Variants in CNTNAP2 observed in about 807,000 individuals in gnomAD.
The protein encoded by CNTNAP2 is contactin-associated protein-like 2.
CNTNAP2 carries 98 observed loss-of-function variants against 155.2 expected under a neutral mutation model. The observed-to-expected ratio is 0.63, with a 90% CI of 0.54 to 0.75. The LOEUF (loss-of-function observed/expected upper bound fraction) is 0.75, where lower values mean the gene tolerates loss of function less well. CNTNAP2 is among the 30% of genes least tolerant of loss of function. CNTNAP2 has a pLI of 0.00. For missense variants in CNTNAP2, 1,727 were observed against 1,688.1 expected, an observed-to-expected ratio of 1.02 and a Z score of -0.40; for synonymous variants, 651 against 631.2, an observed-to-expected ratio of 1.03 and a Z score of -0.47.
chr7:148,220,536 A>G (rs1795727724), intron 19 of CNTNAP2, among the ~76,000 whole-genome samples: 1 of 152,188 alleles, frequency 6.6e-6, no homozygotes, highest in African/African-American at 2.4e-5. Flanking sequence ...AATCGTGATT[A>G]ATGATATGGG....
chr7:146,906,987 G>A (rs146343733), intron 3 of CNTNAP2, among the ~76,000 whole-genome samples: 36,656 of 148,158 alleles, frequency 0.25, 5,268 homozygotes, highest in Non-Finnish European at 0.32. Flanking sequence ...ACCAAGGCTC[G>A]AGAACTACGT....
At chr7:148,090,264 T>G (rs749500679) in intron 15 of CNTNAP2, among the ~76,000 whole-genome samples, 9 of 151,842 alleles carry the variant, frequency 5.9e-5, no homozygotes, top group Non-Finnish European at 1.3e-4. Flanking sequence ...TGGAATGACA[T>G]CAAACTAAAA....
intron 5 of CNTNAP2, among the ~76,000 whole-genome samples, chr7:147,116,730 G>A (rs539321543): frequency 1.3e-5 from 2 of 151,746 alleles, no homozygotes; most frequent in South Asian, 2.1e-4. Context: ...CTCCATCCCA[G>A]GGATAGAAAA....
intron 13 of CNTNAP2, among the ~76,000 whole-genome samples, chr7:147,689,870 C>A (rs1295500916): frequency 2.6e-5 from 4 of 152,138 alleles, no homozygotes; most frequent in African/African-American, 9.7e-5. Context: ...CTGGATTTGA[C>A]CCCGATGACT....
chr7:147,134,494 G>A (rs954795995), intron 8 of CNTNAP2, among the ~76,000 whole-genome samples: 1 of 151,180 alleles, frequency 6.6e-6, no homozygotes, highest in Non-Finnish European at 1.5e-5. Context: ...ACTGCTTCAA[G>A]CATTTTATAT....
intron 3 of CNTNAP2, among the ~76,000 whole-genome samples, chr7:146,869,692 C>T (rs1231734152): frequency 6.6e-6 from 1 of 152,092 alleles, no homozygotes; most frequent in African/African-American, 2.4e-5. Context: ...GTCCCAAAAC[C>T]AAAGAACTTG....
At chr7:146,943,245 A>G (rs1243366794) in intron 3 of CNTNAP2, among the ~76,000 whole-genome samples, 2 of 152,240 alleles carry the variant, frequency 1.3e-5, no homozygotes, top group African/African-American at 4.8e-5. Flanking sequence ...CATAAGAAAG[A>G]GAAAATGAGG....
chr7:146,283,084 CT>C (rs886905914), intron 1 of CNTNAP2, among the ~76,000 whole-genome samples: 2 of 152,124 alleles, frequency 1.3e-5, no homozygotes, highest in African/African-American at 4.8e-5. Context: ...TTTACGTAAC[CT>C]TTTAATAGGA....
intron 2 of CNTNAP2, among the ~76,000 whole-genome samples, chr7:146,778,837 T>A (rs1802434818): frequency 1.3e-5 from 2 of 152,192 alleles, no homozygotes; most frequent in African/African-American, 4.8e-5. Context: ...TCAGTCCTTT[T>A]CTTCTGCCAG....
At chr7:148,064,224 G>A (rs990109834) in intron 15 of CNTNAP2, among the ~76,000 whole-genome samples, 3 of 151,958 alleles carry the variant, frequency 2.0e-5, no homozygotes, top group African/African-American at 7.2e-5. Context: ...CTCTTTTTTA[G>A]TTCTGTATGA....
chr7:146,372,854 T>C (rs12703805), intron 1 of CNTNAP2, among the ~76,000 whole-genome samples: 30 of 152,156 alleles, frequency 2.0e-4, no homozygotes, highest in Non-Finnish European at 3.8e-4. Flanking sequence ...AGAAAAACTC[T>C]TTTCCCTCAT....
intron 15 of CNTNAP2, among the ~76,000 whole-genome samples, chr7:147,980,948 A>C (rs974121296): frequency 6.6e-6 from 1 of 151,196 alleles, no homozygotes; most frequent in African/African-American, 2.4e-5. Context: ...AAAAAAAAAA[A>C]AAAAAAAAGA....
chr7:146,708,599 T>C (rs1297317510), intron 1 of CNTNAP2, among the ~76,000 whole-genome samples: 1 of 115,262 alleles, frequency 8.7e-6, no homozygotes, highest in African/African-American at 3.7e-5. Context: ...TTTTTTTTTT[T>C]TTTTTTTTTT....
At position 147,284,397 on chromosome 7, in the gene CNTNAP2, T is replaced by C. The variant is rs115652589; in HGVS notation, c.1349-15744T>C. On this transcript the variant is annotated intron_variant, in intron 8 of 23. Coordinates refer to ENST00000361727, the MANE Select transcript of CNTNAP2 (RefSeq NM_014141.6). The stretch of plus-strand genomic sequence containing the variant: ...AAATTCTAACCCAACTCTATTTTAG[T>C]ATATCACACGGCTCTCCTGTCTTAC... Among the ~76,000 whole-genome samples, 1,162 of 151,932 alleles carry C rather than the reference T, an allele frequency of 7.6e-3. 17 individuals are homozygous for C. Among genetic ancestry groups the C allele is most frequent in the African/African-American group, 0.027 (1,102 of 41,488 alleles).
intron 13 of CNTNAP2, among the ~76,000 whole-genome samples, chr7:147,765,151 C>T (rs1011264401): frequency 6.6e-6 from 1 of 152,108 alleles, no homozygotes; most frequent in Non-Finnish European, 1.5e-5. Flanking sequence ...TATTTTGGTG[C>T]ACATATTCTG....
At chr7:147,564,879 G>C (rs1005607190) in intron 12 of CNTNAP2, among the ~76,000 whole-genome samples, 1 of 152,198 alleles carries the variant, frequency 6.6e-6, no homozygotes, top group Admixed American at 6.5e-5. Flanking sequence ...ACAAACATCA[G>C]TGTGTTCAAG....
rs571837224 is a variant in CNTNAP2 at position 147,749,347 on chromosome 7, T to A, written c.2098+110041T>A. 4.3e-4 allele frequency among the ~76,000 whole-genome samples: 65 copies of A among 152,320 alleles called. 1 individual carries two copies. The South Asian group carries it at 0.013, about 31-fold the overall frequency. ...CATCTAATGGATGTGTCGTAGTCCA[T>A]AATCAATGTCTGTTTTACATATTTA... On this transcript the variant is annotated intron_variant, in intron 13 of 23. Coordinates refer to ENST00000361727, the MANE Select transcript of CNTNAP2 (RefSeq NM_014141.6).
chr7:147,994,992 T>C (rs1194163848), intron 15 of CNTNAP2, among the ~76,000 whole-genome samples: 5 of 152,160 alleles, frequency 3.3e-5, no homozygotes, highest in Non-Finnish European at 7.4e-5. Flanking sequence ...GTGCATGAGA[T>C]GAAGTCCAGA....
intron 16 of CNTNAP2, among the ~76,000 whole-genome samples, chr7:148,145,738 G>A (rs1316422595): frequency 2.0e-5 from 3 of 152,166 alleles, no homozygotes; most frequent in Non-Finnish European, 4.4e-5. Context: ...CAGCCTGTGG[G>A]TCATATTATC....
Sources: gnomAD v4.1 joint callset for allele counts (sites outside exome capture counted in the v4.1 genomes callset) on GRCh38, gnomAD v4.1.1 for gene constraint, MANE v1.5 for transcripts, NCBI Gene and HGNC (gene_info 2026-07-23, HGNC 2026-07-21) for gene names.